The following GIGYF1 variants were observed in gnomAD, a reference collection of about 807,000 sequenced individuals.
GIGYF1 encodes the protein GRB10-interacting GYF protein 1.
GIGYF1 carries 84 observed loss-of-function variants against 147.1 expected under a neutral mutation model. That is an observed-to-expected ratio of 0.57 (90% CI 0.48 to 0.68). GIGYF1 has a LOEUF of 0.68. GIGYF1 is among the 30% of genes least tolerant of loss of function. The pLI is 0.00. For missense variants in GIGYF1, 1,485 were observed against 1,393.7 expected, an observed-to-expected ratio of 1.07 and a Z score of -1.04; for synonymous variants, 752 against 589.5, an observed-to-expected ratio of 1.28 and a Z score of -3.99.
In GIGYF1 at chr7:100,681,989, GCCT is replaced by G; in HGVS notation, c.2927_2929del (p.Glu976del). Reference sequence around the variant, plus strand: ...CTGCAGCGAGGCGCTGCTCAGCCATGCCTCCTAAGGCAGCGGAGAGGAGGGTGA... The same window carrying G: ...CTGCAGCGAGGCGCTGCTCAGCCATGCCTAAGGCAGCGGAGAGGAGGGTGA... On this transcript the variant is annotated inframe_deletion and splice_region_variant, in exon 26 of 27. Transcript: ENST00000678049. 1.2e-6 allele frequency: 2 copies of G among 1,609,136 alleles called. No individual in the cohort carries two copies. The highest frequency in any genetic ancestry group is 1.7e-6 in the Non-Finnish European group (2 of 1,179,908).
chr7:100,686,395 C>G lies in GIGYF1; in HGVS notation c.733G>C (p.Glu245Gln). Residue 245 changes from glutamate (E) to glutamine (Q), a missense_variant, in exon 11 of 27, where the codon GAA (glutamate) becomes CAA (glutamine). Coordinates refer to ENST00000678049, the MANE Select transcript of GIGYF1 (RefSeq NM_001375765.1). ...TCAAATTCAAACTTGCGCCGCCGTTCCCCATGTTCCCGCCAGCCAGCAGAG... is the reference window on the plus strand; with the variant it reads ...TCAAATTCAAACTTGCGCCGCCGTTGCCCATGTTCCCGCCAGCCAGCAGAG... The part of the protein sequence containing the change: ...PRSAGWREHG[E>Q]RRRKFEFDLR... The G allele has an allele frequency of 6.2e-7, 1 of 1,609,594 alleles. No individual in the cohort carries two copies. Among genetic ancestry groups the G allele is most frequent in the South Asian group, 1.1e-5 (1 of 90,520 alleles).
At chr7:100,687,185 C>G (rs576144938) in intron 8 of GIGYF1, 113 bp downstream of exon 8, 1 of 1,451,258 alleles carries the variant, frequency 6.9e-7, no homozygotes, top group East Asian at 2.3e-5. Flanking sequence ...TCAGGAGCAC[C>G]GGGATCTCGG....
In GIGYF1 at chr7:100,688,274, G is replaced by T; in HGVS notation, c.-36C>A. ...GGCGTGTTTGAGAGGCCGGGGGTGG[G>T]GAGGAGGGGACCTGGCGTTCACTGT... On this transcript the variant is annotated 5_prime_UTR_variant, in exon 4 of 27. Coordinates refer to ENST00000678049, the MANE Select transcript of GIGYF1 (RefSeq NM_001375765.1). 2 of 1,372,852 alleles carry T rather than the reference G, an allele frequency of 1.5e-6. No individual in the cohort carries two copies. Among genetic ancestry groups the T allele is most frequent in the Non-Finnish European group, 2.1e-6 (2 of 960,598 alleles). 85.0% of individuals were successfully genotyped at this position (1,372,852 alleles called of 1,614,324 possible).
intron 12 of GIGYF1, among the ~76,000 whole-genome samples, 170 bp downstream of exon 12, chr7:100,685,804 T>G (rs962705556): frequency 8.5e-5 from 13 of 152,206 alleles, no homozygotes; most frequent in Non-Finnish European, 1.3e-4. Flanking sequence ...TACACTGCCT[T>G]GAAGACATGG....
Position 100,684,062 on chromosome 7 carries a change from AGCTGCTGCT to A in GIGYF1, c.1817_1825del (p.Gln606_Gln608del). On this transcript the variant is annotated inframe_deletion, in exon 18 of 27. Coordinates refer to ENST00000678049, the MANE Select transcript of GIGYF1 (RefSeq NM_001375765.1). ...CTGGAGCTGCTGCAGGAATGCCGTG[AGCTGCTGCT>A]GCTGCTGCTGTGGCGGCGGCGGTGG... 1 of 1,596,558 alleles carries A rather than the reference AGCTGCTGCT, an allele frequency of 6.3e-7. No individual in the cohort carries two copies. Among genetic ancestry groups the A allele is most frequent in the Non-Finnish European group, 8.5e-7 (1 of 1,174,306 alleles).
At chr7:100,687,135 G>A (rs1805433677) in intron 8 of GIGYF1, 89 bp from the exon 9 acceptor site, 1 of 1,555,468 alleles carries the variant, frequency 6.4e-7, no homozygotes, top group African/African-American at 1.4e-5. Context: ...ACTGTGCCCT[G>A]AGGCAGTGGA....
Position 100,686,266 on chromosome 7 carries a change from TGTC to T in GIGYF1, c.859_861del (p.Asp287del). 6.2e-7 allele frequency: 1 copy of T among 1,614,050 alleles called. No homozygotes were observed. The highest frequency in any genetic ancestry group is 1.3e-5 in the African/African-American group (1 of 75,018). ...AGGCACCACTCTGGGAGCCCATCCT[TGTC>T]CTCCTCAAAGCCTTCAGGCGCTCGG... On this transcript the variant is annotated inframe_deletion, in exon 11 of 27. Transcript: ENST00000678049.
In GIGYF1 at chr7:100,681,871, G is replaced by A; in HGVS notation, c.3048C>T (p.Ser1016=). ...TGCCCCAGCCCAGCTCACCCAGGAT[G>A]CTGGGGTCTGAGTGCAGCATCAGTG... The part of the protein sequence containing the change: ...RRALMLHSDP[S]ILGYSLHGSS... Residue 1016 remains serine, a synonymous_variant, in exon 26 of 27, where the codon AGC becomes AGT. Coordinates refer to ENST00000678049, the MANE Select transcript of GIGYF1 (RefSeq NM_001375765.1). 1 of 1,612,626 alleles carries A rather than the reference G, an allele frequency of 6.2e-7. No homozygotes were observed. The highest frequency in any genetic ancestry group is 2.2e-5 in the East Asian group (1 of 44,880).
At chr7:100,684,991 C>A in intron 14 of GIGYF1, 58 bp downstream of exon 14, 1 of 1,559,434 alleles carries the variant, frequency 6.4e-7, no homozygotes, top group Non-Finnish European at 8.7e-7. Flanking sequence ...GGGGCTGGGG[C>A]CAAGCAGGTC....
chr7:100,686,461 G>T, intron 10 of GIGYF1, 28 bp from the exon 11 acceptor site: 1 of 1,559,860 alleles, frequency 6.4e-7, no homozygotes, highest in Non-Finnish European at 8.7e-7. Context: ...GGGAGAAGAA[G>T]AGTGGGTACC....
intron 10 of GIGYF1, 25 bp from the exon 11 acceptor site, chr7:100,686,458 G>A (rs778103953): frequency 1.3e-5 from 21 of 1,561,432 alleles, no homozygotes; most frequent in East Asian, 2.2e-5. Context: ...TCAGGGAGAA[G>A]AAGAGTGGGT....
rs113752768 is a variant in GIGYF1, at chr7:100,686,917, C to G, written c.523+89G>C. 25 of 1,605,110 alleles carry G rather than the reference C, an allele frequency of 1.6e-5. 1 individual carries two copies. Among genetic ancestry groups the G allele is most frequent in the African/African-American group, 8.0e-5 (6 of 74,868 alleles). On this transcript the variant is annotated intron_variant, in intron 9 of 26. Transcript: ENST00000678049. The stretch of plus-strand genomic sequence containing the variant: ...GGGCCAGCTCCAGGCCCTCCTGCCC[C>G]CAACACCTCCGAAATAAGCACCCCC...
intron 8 of GIGYF1, 82 bp from the exon 9 acceptor site, chr7:100,687,128 G>A: frequency 1.3e-6 from 2 of 1,575,014 alleles, no homozygotes; most frequent in South Asian, 2.2e-5. Flanking sequence ...CTTGTCCACT[G>A]TGCCCTGAGG....
rs111580110 is a variant in GIGYF1, at chr7:100,688,468, C to A, written c.-87G>T. On this transcript the variant is annotated 5_prime_UTR_variant, in exon 3 of 27. Transcript: ENST00000678049. ...GGACTCACCTGAGCCAGCCACGTGG[C>A]CACTCACACCATGAGTTACCCAGAG... The A allele has an allele frequency of 1.4e-6, 1 of 694,522 alleles. No homozygotes were observed. The highest frequency in any genetic ancestry group is 2.6e-6 in the Non-Finnish European group (1 of 380,360). The allele number at this position is 694,522 out of a possible 1,614,324, so 43.0% of individuals were successfully genotyped here. A position where few individuals can be genotyped will look rare whatever the true frequency, so the allele number is the denominator to read the frequency against.
Position 100,685,949 on chromosome 7 carries a change from GCCCGCTGGGCAC to G in GIGYF1, c.1054+13_1054+24del. 6.3e-7 allele frequency: 1 copy of G among 1,593,446 alleles called. No homozygotes were observed. Among genetic ancestry groups the G allele is most frequent in the Non-Finnish European group, 8.6e-7 (1 of 1,164,788 alleles). ...CAGTGCCTGCCCGGCCCAGCCCCAG[GCCCGCTGGGCAC>G]CCCGCGGCTCACCTGCCTCAGGCCC... On this transcript the variant is annotated intron_variant, in intron 12 of 26. Coordinates refer to ENST00000678049, the MANE Select transcript of GIGYF1 (RefSeq NM_001375765.1).
At chr7:100,692,453 G>A (rs1413562383) in intron 1 of GIGYF1, among the ~76,000 whole-genome samples, 1 of 152,202 alleles carries the variant, frequency 6.6e-6, no homozygotes, top group Non-Finnish European at 1.5e-5. Context: ...AGGTGCGCAC[G>A]GTAGCAGTAA....
Position 100,682,745 on chromosome 7 carries a change from G to T in GIGYF1, c.2445C>A (p.Asn815Lys), listed in dbSNP as rs1479733004. Residue 815 changes from asparagine to lysine, a missense_variant, in exon 23 of 27, where the codon AAC becomes AAA. Coordinates refer to ENST00000678049, the MANE Select transcript of GIGYF1 (RefSeq NM_001375765.1). Reference protein sequence around the residue: ...QLGGLGTAPLNQWVSEAGPLW... With the variant: ...QLGGLGTAPLKQWVSEAGPLW... ...GTGGCCCAGCCTCAGACACCCACTGGTTCAGGGGGGCAGTGCCCAGGCCCC... is the reference window on the plus strand; with the variant it reads ...GTGGCCCAGCCTCAGACACCCACTGTTTCAGGGGGGCAGTGCCCAGGCCCC... The T allele has an allele frequency of 6.5e-7, 1 of 1,543,424 alleles. No individual in the cohort carries two copies. The highest frequency in any genetic ancestry group is 2.3e-5 in the East Asian group (1 of 44,276).
In GIGYF1 at chr7:100,682,601, G is replaced by A. The variant is rs763995974; in HGVS notation, c.2589C>T (p.Ser863=). The A allele has an allele frequency of 1.3e-6, 2 of 1,596,642 alleles. No individual in the cohort carries two copies. Among genetic ancestry groups the A allele is most frequent in the Admixed American group, 3.4e-5 (2 of 58,714 alleles). The stretch of plus-strand genomic sequence containing the variant: ...GGTGCCACGCCCACCTGAGAGATGG[G>A]CTGCTCCGGCTGTTCTTCAGGCCGA... ...RGLGLKNSRS[S]PSLSDSYSHL... Residue 863 remains serine, a synonymous_variant, in exon 23 of 27, where the codon AGC becomes AGT. Coordinates refer to ENST00000678049, the MANE Select transcript of GIGYF1 (RefSeq NM_001375765.1).
rs1290898549 is a variant in GIGYF1 at position 100,684,843 on chromosome 7, G to A, written c.1342C>T (p.Gln448Ter). The A allele has an allele frequency of 6.2e-7, 1 of 1,606,168 alleles. No homozygotes were observed. The change falls in exon 15 of 27, where the codon CAG becomes TAG. Residue 448 changes from glutamine to a stop codon, truncating the protein, a stop_gained. Coordinates refer to ENST00000678049, the MANE Select transcript of GIGYF1 (RefSeq NM_001375765.1). LOFTEE classifies it high-confidence loss of function. ...SLQDSSLEEE[Q>*]FTAAMQTQGL... ...TGGGTCTGCATGGCAGCCGTGAACT[G>A]CTCCTCCTCCAAGGAGCTGTCCTGC...
Sources: gnomAD v4.1 joint callset for allele counts (sites outside exome capture counted in the v4.1 genomes callset) on GRCh38, gnomAD v4.1.1 for gene constraint, MANE v1.5 for transcripts, NCBI Gene and HGNC (gene_info 2026-07-23, HGNC 2026-07-21) for gene names.